CDHR3: variants seen among roughly 807,000 people sequenced by gnomAD.
The protein encoded by CDHR3 is cadherin-related family member 3.
CDHR3 carries 79 observed loss-of-function variants against 86.6 expected under a neutral mutation model. The observed-to-expected ratio is 0.91, with a 90% confidence interval of 0.76 to 1.10. The LOEUF (loss-of-function observed/expected upper bound fraction) is 1.10. Among genes scored for constraint, CDHR3 ranks in the 50% least tolerant of loss-of-function variants. CDHR3 has a pLI of 0.00. For missense variants in CDHR3, 1,081 were observed against 1,077.6 expected (o/e 1.00, Z -0.04); for synonymous variants, 421 against 402.4 (o/e 1.05, Z -0.55).
In CDHR3 at chr7:106,033,774, T is replaced by C. The variant is rs770014185; in HGVS notation, c.*1077T>C. The C allele has an allele frequency of 6.6e-6, 1 of 152,164 alleles. No homozygotes were observed. The highest frequency in any genetic ancestry group is 1.5e-5 in the Non-Finnish European group (1 of 68,034). 9.4% of individuals were successfully genotyped at this position (152,164 alleles called of 1,614,324 possible). A position where few individuals can be genotyped will look rare whatever the true frequency, so the allele number is the denominator to read the frequency against. On this transcript the variant is annotated 3_prime_UTR_variant, in exon 19 of 19. Coordinates refer to ENST00000317716, the MANE Select transcript of CDHR3 (RefSeq NM_152750.5). ...AAAATAAAAGTGAATTACAACACTA[T>C]GAACTTTCTTGTACATGTCTTTTGG...
At chr7:105,966,819 A>G (rs1010362952) in intron 1 of CDHR3, among the ~76,000 whole-genome samples, 7 of 152,226 alleles carry the variant, frequency 4.6e-5, no homozygotes, top group Admixed American at 2.0e-4. Flanking sequence ...TTTGAAAGAA[A>G]CAAGCCTTTC....
At chr7:105,990,743 T>C (rs1269072521) in intron 4 of CDHR3, among the ~76,000 whole-genome samples, 3 of 144,246 alleles carry the variant, frequency 2.1e-5, no homozygotes, top group Admixed American at 7.0e-5. Context: ...AAGCAACTGA[T>C]AGCTGCAAAG....
At chr7:106,016,819 T>C (rs938531008) in intron 11 of CDHR3, among the ~76,000 whole-genome samples, 11 of 152,258 alleles carry the variant, frequency 7.2e-5, no homozygotes, top group African/African-American at 2.7e-4. Flanking sequence ...TTCTTATACC[T>C]TATCCAGTGA....
intron 4 of CDHR3, among the ~76,000 whole-genome samples, chr7:105,990,470 G>C (rs1189120090): frequency 6.6e-6 from 1 of 152,158 alleles, no homozygotes; most frequent in Non-Finnish European, 1.5e-5. Context: ...AGGAATTGAG[G>C]CTTTTACAAA....
intron 9 of CDHR3, among the ~76,000 whole-genome samples, chr7:106,013,837 A>G (rs1338663542): frequency 1.3e-5 from 2 of 152,256 alleles, no homozygotes; most frequent in Non-Finnish European, 2.9e-5. Flanking sequence ...AAATATAGAA[A>G]GCACAGAAAA....
At chr7:105,979,737 C>T (rs570229029) in intron 2 of CDHR3, among the ~76,000 whole-genome samples, 1 of 152,172 alleles carries the variant, frequency 6.6e-6, no homozygotes, top group African/African-American at 2.4e-5. Flanking sequence ...TCTGTCTTCA[C>T]AGCAAGATGC....
chr7:106,023,112 T>G (rs915748639), intron 14 of CDHR3, among the ~76,000 whole-genome samples: 1 of 152,142 alleles, frequency 6.6e-6, no homozygotes. Context: ...TGGTTGGAAA[T>G]GCAAATTCTC....
At chr7:106,013,693 G>T (rs1835153848) in intron 9 of CDHR3, among the ~76,000 whole-genome samples, 1 of 152,134 alleles carries the variant, frequency 6.6e-6, no homozygotes, top group African/African-American at 2.4e-5. Context: ...CCCTCACCCA[G>T]CTTTCTTCTC....
At chr7:106,024,589 T>C in intron 15 of CDHR3, 27 bp downstream of exon 15, 1 of 1,606,916 alleles carries the variant, frequency 6.2e-7, no homozygotes, top group South Asian at 1.1e-5. Context: ...CTGGGCCCTC[T>C]TCCCCACCTC....
rs775591787 is a variant in CDHR3, at chr7:105,974,932, TG to T, written c.136del (p.Val46Ter). ...PPGTSVHKFS[V>X]KLSASLSPVI... ...CTGGGACTTCAGTGCACAAGTTTTC[TG>T]TGAAGTTATCAGCATCATTGTCACC... On this transcript the variant is annotated frameshift_variant, in exon 2 of 19. Transcript: ENST00000317716. LOFTEE classifies it high-confidence loss of function. 28 of 1,613,776 alleles carry T rather than the reference TG, an allele frequency of 1.7e-5. No homozygotes were observed. The African/African-American group carries it at 3.5e-4, about 20-fold the overall frequency.
chr7:105,963,844 C>T (rs983807851), intron 1 of CDHR3, among the ~76,000 whole-genome samples: 1 of 152,146 alleles, frequency 6.6e-6, no homozygotes, highest in Non-Finnish European at 1.5e-5. Context: ...GGGTCAAAGA[C>T]TCAAGCTAGT....
rs939890056 is a variant in CDHR3, at chr7:106,022,439, G to A, written c.2067G>A (p.Thr689=). The change falls in exon 14 of 19, where the codon ACG becomes ACA. Residue 689 remains threonine, a synonymous_variant. Coordinates refer to ENST00000317716, the MANE Select transcript of CDHR3 (RefSeq NM_152750.5). Reference sequence around the variant, plus strand: ...CCCACCCAACCACTATCATCACCACGACCCCCAGGGTAAGGGCTTTAGGAC... The same window carrying A: ...CCCACCCAACCACTATCATCACCACAACCCCCAGGGTAAGGGCTTTAGGAC... ...VIPHPTTIIT[T]TPRPRVTYQV... 12 of 1,613,486 alleles carry A rather than the reference G, an allele frequency of 7.4e-6. No individual in the cohort carries two copies. Among genetic ancestry groups the A allele is most frequent in the African/African-American group, 5.3e-5 (4 of 74,914 alleles).
At chr7:106,020,689 A>G (rs781194399) in intron 13 of CDHR3, 145 bp downstream of exon 13, 1 of 877,742 alleles carries the variant, frequency 1.1e-6, no homozygotes, top group Non-Finnish European at 1.7e-6. Flanking sequence ...GGGTCTTGCT[A>G]TGCTGCCTAG....
chr7:105,996,379 C>T lies in CDHR3; in HGVS notation c.713+25C>T, dbSNP rs775517689. 3 of 1,414,890 alleles carry T rather than the reference C, an allele frequency of 2.1e-6. No homozygotes were observed. In the South Asian group the frequency reaches 3.6e-5, roughly 17 times the overall value. The allele number at this position is 1,414,890 out of a possible 1,614,324, so 87.6% of individuals were successfully genotyped here. A position where few individuals can be genotyped will look rare whatever the true frequency, so the allele number is the denominator to read the frequency against. Reference sequence around the variant, plus strand: ...GGTAGGCCTGAGGGCATGCAGGACTCCCTGGGCCGCAGGTGCGTCCTTCTT... The same window carrying T: ...GGTAGGCCTGAGGGCATGCAGGACTTCCTGGGCCGCAGGTGCGTCCTTCTT... On this transcript the variant is annotated intron_variant, in intron 6 of 18. Coordinates refer to ENST00000317716, the MANE Select transcript of CDHR3 (RefSeq NM_152750.5).
chr7:106,001,569 A>G lies in CDHR3; in HGVS notation c.821A>G (p.Tyr274Cys), dbSNP rs1473169521. The part of the protein sequence containing the change: ...DDEGFPSHLL[Y>C]SITTVSKYFM... ...GAAGGTTTTCCCAGCCACCTCCTCT[A>G]CAGCATTACCACTGTTAGCAAATAT... The change falls in exon 7 of 19, where the codon TAC (tyrosine) becomes TGC (cysteine). Residue 274 changes from tyrosine (Y) to cysteine (C), a missense_variant. Tyr to Cys is a radical substitution (Grantham distance 194). Transcript: ENST00000317716. 11 of 1,613,982 alleles carry G rather than the reference A, an allele frequency of 6.8e-6. No homozygotes were observed. The highest frequency in any genetic ancestry group is 9.3e-6 in the Non-Finnish European group (11 of 1,179,882).
chr7:106,015,235 T>G, intron 10 of CDHR3, 22 bp downstream of exon 10: 1 of 1,570,426 alleles, frequency 6.4e-7, no homozygotes, highest in Non-Finnish European at 8.7e-7. Flanking sequence ...TTTGTTTTAT[T>G]TCATGATTGT....
intron 4 of CDHR3, among the ~76,000 whole-genome samples, chr7:105,990,418 C>T (rs1831183573): frequency 6.6e-6 from 1 of 152,098 alleles, no homozygotes; most frequent in Admixed American, 6.5e-5. Context: ...CCACGTCCCA[C>T]CTCTGAGCTG....
At chr7:105,993,725 C>T (rs1051248420) in intron 4 of CDHR3, among the ~76,000 whole-genome samples, 3 of 147,688 alleles carry the variant, frequency 2.0e-5, no homozygotes. Flanking sequence ...GAACTTGGAC[C>T]TTGAACCAAG....
At position 106,032,515 on chromosome 7, in the gene CDHR3, G is replaced by T; in HGVS notation, c.2476G>T (p.Ala826Ser). 1 of 1,614,046 alleles carries T rather than the reference G, an allele frequency of 6.2e-7. No individual in the cohort carries two copies. The highest frequency in any genetic ancestry group is 1.6e-4 in the Middle Eastern group (1 of 6,062). Residue 826 changes from alanine (A) to serine (S), a missense_variant, in exon 19 of 19, where the codon GCT becomes TCT. By Grantham distance (99) the Ala-to-Ser change is moderately conservative. Transcript: ENST00000317716. Reference protein sequence around the residue: ...HQGAAPRRVTAGEGMGSLRSA... With the variant: ...HQGAAPRRVTSGEGMGSLRSA... ...GGGAGCTGCCCCACGCAGAGTCACT[G>T]CTGGGGAAGGGATGGGGTCACTGAG...
Sources: gnomAD v4.1 joint callset for allele counts (sites outside exome capture counted in the v4.1 genomes callset) on GRCh38, gnomAD v4.1.1 for gene constraint, MANE v1.5 for transcripts, NCBI Gene and HGNC (gene_info 2026-07-23, HGNC 2026-07-21) for gene names.